The following MYO3B variants were observed in gnomAD, a reference collection of about 807,000 sequenced individuals.
MYO3B encodes myosin-IIIb.
MYO3B carries 156 observed loss-of-function variants against 174.6 expected under a neutral mutation model. That is an observed-to-expected ratio of 0.89 (90% CI 0.78 to 1.02). MYO3B has a LOEUF of 1.02. Ranked by LOEUF, MYO3B falls within the 50% of genes least tolerant of loss-of-function variation. The probability of loss-of-function intolerance (pLI) is 0.00; values close to 1 mark genes in which losing one functional copy is unlikely to be tolerated. For missense variants in MYO3B, 1,632 were observed against 1,639.4 expected, an observed-to-expected ratio of 1.00 and a Z score of 0.08; for synonymous variants, 563 against 569.1, an observed-to-expected ratio of 0.99 and a Z score of 0.15.
chr2:170,497,633 A>G (rs1214063932), intron 25 of MYO3B, among the ~76,000 whole-genome samples: 1 of 150,860 alleles, frequency 6.6e-6, no homozygotes, highest in Admixed American at 6.6e-5. Flanking sequence ...AAAAAGAAAT[A>G]CACAAGTCTA....
chr2:170,322,799 C>G (rs1370857934), intron 7 of MYO3B, among the ~76,000 whole-genome samples: 2 of 152,134 alleles, frequency 1.3e-5, no homozygotes, highest in Non-Finnish European at 2.9e-5. Flanking sequence ...GTGATCCAGG[C>G]TCAGATTGCT....
At chr2:170,425,931 T>C (rs950470507) in intron 22 of MYO3B, among the ~76,000 whole-genome samples, 1 of 152,206 alleles carries the variant, frequency 6.6e-6, no homozygotes, top group Admixed American at 6.5e-5. Context: ...GTAATTCATT[T>C]TAAAACATTT....
Position 170,207,169 on chromosome 2 carries a change from C to T in MYO3B, c.321+6885C>T, listed in dbSNP as rs76123025. Among the ~76,000 whole-genome samples, 510 of 152,176 alleles carry T rather than the reference C, an allele frequency of 3.4e-3. 23 individuals carry two copies. In the East Asian group the frequency reaches 0.095, roughly 28 times the overall value. ...AATTTCTATTATCATTACCCGCTTA[C>T]ACAGACACCCCCCTCCCAGAGGGAG... On this transcript the variant is annotated intron_variant, in intron 3 of 34. Transcript: ENST00000408978.
At chr2:170,281,914 A>C (rs949304526) in intron 7 of MYO3B, among the ~76,000 whole-genome samples, 1 of 152,190 alleles carries the variant, frequency 6.6e-6, no homozygotes, top group Admixed American at 6.5e-5. Flanking sequence ...AATAAAAATA[A>C]CCATCAGAAA....
At chr2:170,280,992 CT>C in intron 7 of MYO3B, among the ~76,000 whole-genome samples, 1 of 152,054 alleles carries the variant, frequency 6.6e-6, no homozygotes, top group African/African-American at 2.4e-5. Flanking sequence ...TTTTTAAATA[CT>C]TTTTCCTAGT....
chr2:170,238,536 T>C (rs550593712), intron 7 of MYO3B, among the ~76,000 whole-genome samples: 37 of 152,366 alleles, frequency 2.4e-4, no homozygotes, highest in African/African-American at 8.4e-4. Context: ...TTTCAGGGTA[T>C]GTTGGGATCC....
At position 170,394,671 on chromosome 2, in the gene MYO3B, A is replaced by G. The variant is rs75129520; in HGVS notation, c.1791+2176A>G. On this transcript the variant is annotated intron_variant, in intron 16 of 34. Coordinates refer to ENST00000408978, the MANE Select transcript of MYO3B (RefSeq NM_138995.5). Reference sequence around the variant, plus strand: ...TTTTCACCATGTCCCACATTAATTCATACAGGAAATAAACCAATTTATATA... The same window carrying G: ...TTTTCACCATGTCCCACATTAATTCGTACAGGAAATAAACCAATTTATATA... Among the ~76,000 whole-genome samples the G allele has an allele frequency of 1.1e-4, 16 of 152,366 alleles. No homozygotes were observed. The East Asian group carries it at 2.1e-3, about 20-fold the overall frequency.
chr2:170,502,521 A>G (rs1687343338), intron 28 of MYO3B, among the ~76,000 whole-genome samples: 3 of 152,112 alleles, frequency 2.0e-5, no homozygotes, highest in Non-Finnish European at 2.9e-5. Context: ...TGAGAGGTGT[A>G]AGCTCTGGTT....
At chr2:170,399,488 A>G (rs998066974) in intron 16 of MYO3B, among the ~76,000 whole-genome samples, 4 of 143,934 alleles carry the variant, frequency 2.8e-5, no homozygotes, top group African/African-American at 9.9e-5. Flanking sequence ...AAAAAAAAAA[A>G]GGTTAATTAT....
intron 32 of MYO3B, among the ~76,000 whole-genome samples, chr2:170,606,787 G>A (rs190839206): frequency 1.9e-4 from 29 of 152,290 alleles, no homozygotes; most frequent in African/African-American, 6.5e-4. Flanking sequence ...TTAGGAGGCC[G>A]AGGAGGGCAG....
intron 32 of MYO3B, among the ~76,000 whole-genome samples, chr2:170,568,154 C>T (rs1387030562): frequency 1.3e-5 from 2 of 152,200 alleles, no homozygotes; most frequent in African/African-American, 4.8e-5. Flanking sequence ...ATGGCAAAGC[C>T]TGAAAAACTC....
chr2:170,420,732 G>A (rs1019358714), intron 22 of MYO3B, among the ~76,000 whole-genome samples: 1 of 152,100 alleles, frequency 6.6e-6, no homozygotes, highest in African/African-American at 2.4e-5. Context: ...AAGATCATAA[G>A]TGCCATGAGA....
At chr2:170,279,926 T>C (rs1327581642) in intron 7 of MYO3B, among the ~76,000 whole-genome samples, 2 of 152,174 alleles carry the variant, frequency 1.3e-5, no homozygotes, top group African/African-American at 4.8e-5. Context: ...GCAGTAAACA[T>C]TTGTGTGCAT....
intron 23 of MYO3B, among the ~76,000 whole-genome samples, chr2:170,461,883 T>A (rs1288849398): frequency 6.6e-6 from 1 of 152,120 alleles, no homozygotes; most frequent in Non-Finnish European, 1.5e-5. Context: ...GAGAAAAAAG[T>A]TGAAGAAAAT....
chr2:170,192,756 T>G (rs1206547284), intron 1 of MYO3B, among the ~76,000 whole-genome samples: 1 of 151,682 alleles, frequency 6.6e-6, no homozygotes, highest in Non-Finnish European at 1.5e-5. Flanking sequence ...AATATTTTTA[T>G]TTTTATATAC....
rs11427527 is a variant in MYO3B at position 170,393,084 on chromosome 2, C to CTTT, written c.1791+604_1791+606dup. On this transcript the variant is annotated intron_variant, in intron 16 of 34. Coordinates refer to ENST00000408978, the MANE Select transcript of MYO3B (RefSeq NM_138995.5). ...AACTATAGCTCTAAGTACTGTACTA[C>CTTT]TTTTTTTTTTTTTTTTTGAGACAGA... Among the ~76,000 whole-genome samples the CTTT allele has an allele frequency of 6.1e-4, 82 of 133,708 alleles. 1 individual carries two copies. The highest frequency in any genetic ancestry group is 2.7e-3 in the Admixed American group (35 of 13,166). The allele number at this position is 133,708 out of a possible 152,430, so 87.7% of individuals were successfully genotyped here. A position where few individuals can be genotyped will look rare whatever the true frequency, so the allele number is the denominator to read the frequency against.
In MYO3B at chr2:170,199,321, G is replaced by A; in HGVS notation, c.116G>A (p.Gly39Asp). Residue 39 changes from glycine (G) to aspartate (D), a missense_variant, in exon 2 of 35, where the codon GGC (glycine) becomes GAC (aspartate). By Grantham distance (94) the Gly-to-Asp change is moderately conservative. Coordinates refer to ENST00000408978, the MANE Select transcript of MYO3B (RefSeq NM_138995.5). ...GAGACCATTGGTAAAGGCACCTATG[G>A]CAAAGTCTACAAGGTAACTAACAAG... ...IIETIGKGTY[G>D]KVYKVTNKRD... 1 of 1,613,540 alleles carries A rather than the reference G, an allele frequency of 6.2e-7. No individual in the cohort carries two copies. Among genetic ancestry groups the A allele is most frequent in the Non-Finnish European group, 8.5e-7 (1 of 1,179,694 alleles).
intron 28 of MYO3B, among the ~76,000 whole-genome samples, chr2:170,508,992 C>T (rs895997212): frequency 6.7e-6 from 1 of 149,326 alleles, no homozygotes; most frequent in Non-Finnish European, 1.5e-5. Flanking sequence ...TCTGTACTCC[C>T]TTCCTAAATG....
chr2:170,249,196 A>C (rs1001797640), intron 7 of MYO3B, among the ~76,000 whole-genome samples: 5 of 152,188 alleles, frequency 3.3e-5, no homozygotes, highest in African/African-American at 1.2e-4. Flanking sequence ...TCTGCCACTT[A>C]GGTCCCTGAG....
Sources: gnomAD v4.1 joint callset for allele counts (sites outside exome capture counted in the v4.1 genomes callset) on GRCh38, gnomAD v4.1.1 for gene constraint, MANE v1.5 for transcripts, NCBI Gene and HGNC (gene_info 2026-07-23, HGNC 2026-07-21) for gene names.